Variants in DYNC2I1 observed in about 807,000 individuals in gnomAD.
The protein encoded by DYNC2I1 is cytoplasmic dynein 2 intermediate chain 1.
DYNC2I1 carries 89 observed loss-of-function variants against 133.4 expected under a neutral mutation model. The ratio of observed to expected loss-of-function variants is 0.67; its 90% confidence interval spans 0.56 to 0.80. DYNC2I1 has a LOEUF of 0.80. DYNC2I1 is among the 30% of genes least tolerant of loss of function. The pLI is 0.00. For synonymous variants in DYNC2I1, 504 were observed against 484.3 expected, an observed-to-expected ratio of 1.04 and a Z score of -0.54; for missense variants, 1,291 against 1,314.5, an observed-to-expected ratio of 0.98 and a Z score of 0.28.
intron 3 of DYNC2I1, among the ~76,000 whole-genome samples, chr7:158,876,129 G>T (rs957803380): frequency 6.6e-6 from 1 of 152,198 alleles, no homozygotes; most frequent in African/African-American, 2.4e-5. Context: ...GGCTGGAGAG[G>T]CCTCAGGAGA....
At chr7:158,907,119 C>T (rs906101777) in intron 11 of DYNC2I1, among the ~76,000 whole-genome samples, 57 of 151,496 alleles carry the variant, frequency 3.8e-4, no homozygotes, top group Non-Finnish European at 6.8e-4. Flanking sequence ...GGCTGCACCA[C>T]TGCACTCCAG....
intron 5 of DYNC2I1, 37 bp downstream of exon 5, chr7:158,880,026 C>T (rs920534105): frequency 6.5e-7 from 1 of 1,542,344 alleles, no homozygotes; most frequent in Non-Finnish European, 8.7e-7. Context: ...TAGCAGCCGC[C>T]CCGAGGCCGG....
chr7:158,900,077 C>T (rs965021360), intron 8 of DYNC2I1, among the ~76,000 whole-genome samples: 4 of 147,006 alleles, frequency 2.7e-5, no homozygotes, highest in Non-Finnish European at 4.5e-5. Flanking sequence ...TCTATGCTGT[C>T]TTCTTGCTTG....
intron 7 of DYNC2I1, among the ~76,000 whole-genome samples, chr7:158,889,065 A>ACACACACACACC (rs995160680): frequency 2.5e-5 from 3 of 120,284 alleles, no homozygotes; most frequent in African/African-American, 9.7e-5. Flanking sequence ...ACACACACAC[A>ACACACACACACC]CCCCTCCTGT....
In DYNC2I1 at chr7:158,914,260, C is replaced by G. The variant is rs1400041920; in HGVS notation, c.1730C>G (p.Ala577Gly). 6.2e-7 allele frequency: 1 copy of G among 1,612,496 alleles called. No homozygotes were observed. Among genetic ancestry groups the G allele is most frequent in the Non-Finnish European group, 8.5e-7 (1 of 1,179,306 alleles). The change falls in exon 14 of 25, where the codon GCT (alanine) becomes GGT (glycine). Residue 577 changes from alanine to glycine, a missense_variant. Physicochemically the swap from Ala to Gly is moderately conservative, Grantham distance 60. Coordinates refer to ENST00000407559, the MANE Select transcript of DYNC2I1 (RefSeq NM_018051.5). ...GGSEQRDTSD[A>G]VVMPKIDTPR... is the part of the protein sequence containing the mutation. ...AGTGAACAAAGAGATACCTCTGATG[C>G]TGTAGTTATGCCAAAGATTGATACT...
chr7:158,906,204 G>A (rs1846791754), intron 11 of DYNC2I1, 113 bp downstream of exon 11: 13 of 893,134 alleles, frequency 1.5e-5, no homozygotes, highest in Non-Finnish European at 2.2e-5. Flanking sequence ...GTTTTTTGGG[G>A]TGTATGACTT....
chr7:158,856,721 G>A lies in DYNC2I1; in HGVS notation c.-15G>A, dbSNP rs1563061404. 2.4e-6 allele frequency: 3 copies of A among 1,234,116 alleles called. No homozygotes were observed. Among genetic ancestry groups the A allele is most frequent in the East Asian group, 6.3e-5 (2 of 31,636 alleles). The allele number at this position is 1,234,116 out of a possible 1,614,324, so 76.4% of individuals were successfully genotyped here. A position where few individuals can be genotyped will look rare whatever the true frequency, so the allele number is the denominator to read the frequency against. The stretch of plus-strand genomic sequence containing the variant: ...GGGCCGAGGACACCGCGGCCGCCCG[G>A]GCCTGCGGGAAGCGATGGAGCCCGG... On this transcript the variant is annotated 5_prime_UTR_variant, in exon 1 of 25. Transcript: ENST00000407559.
At position 158,927,056 on chromosome 7, in the gene DYNC2I1, TA is replaced by T; in HGVS notation, c.2485+20del. On this transcript the variant is annotated intron_variant, in intron 20 of 24. Transcript: ENST00000407559. ...ATAAGTGATTTAGGTAACTATTAAG[TA>T]AAAAAATTAATTTTAGTGTTTTCTA... 1.9e-6 allele frequency: 3 copies of T among 1,564,608 alleles called. No homozygotes were observed. Among genetic ancestry groups the T allele is most frequent in the Non-Finnish European group, 2.6e-6 (3 of 1,149,688 alleles).
At chr7:158,851,360 C>T in the DYNC2I1 span, among the ~76,000 whole-genome samples, 7 of 151,940 alleles carry the variant, frequency 4.6e-5, no homozygotes, top group Non-Finnish European at 1.0e-4. Context: ...TGACGAAACC[C>T]CATCTCTACA....
intron 1 of DYNC2I1, chr7:158,869,335 C>T: frequency 2.5e-6 from 1 of 405,844 alleles, no homozygotes; most frequent in Non-Finnish European, 5.1e-6. Flanking sequence ...CCCAGGGCTG[C>T]TTCTCTTCCT....
chr7:158,844,484 C>T, the DYNC2I1 span, among the ~76,000 whole-genome samples: 8 of 151,976 alleles, frequency 5.3e-5, no homozygotes, highest in Non-Finnish European at 1.2e-4. Context: ...AAAATGGTCA[C>T]GTTCTTGTGA....
chr7:158,876,074 A>G (rs1322212839), intron 3 of DYNC2I1, among the ~76,000 whole-genome samples: 1 of 152,190 alleles, frequency 6.6e-6, no homozygotes, highest in Non-Finnish European at 1.5e-5. Context: ...TATAAAGAAA[A>G]GAGGTTTAAT....
intron 9 of DYNC2I1, among the ~76,000 whole-genome samples, chr7:158,902,154 A>G (rs1161438572): frequency 1.3e-5 from 2 of 152,244 alleles, no homozygotes; most frequent in African/African-American, 4.8e-5. Flanking sequence ...TCTTCTGTAT[A>G]TGGTTCTGTA....
chr7:158,875,252 G>A (rs1001178018), intron 3 of DYNC2I1, among the ~76,000 whole-genome samples: 4 of 151,884 alleles, frequency 2.6e-5, no homozygotes, highest in Non-Finnish European at 5.9e-5. Flanking sequence ...ACGCCACGAC[G>A]CCCGGCTAAT....
intron 23 of DYNC2I1, among the ~76,000 whole-genome samples, chr7:158,940,159 A>G (rs1237956225): frequency 6.6e-6 from 1 of 152,170 alleles, no homozygotes. Flanking sequence ...CCTTTTTGGC[A>G]CCAGAGACTG....
At chr7:158,893,964 A>G (rs1277733609) in intron 8 of DYNC2I1, among the ~76,000 whole-genome samples, 2 of 150,206 alleles carry the variant, frequency 1.3e-5, no homozygotes, top group Non-Finnish European at 3.0e-5. Flanking sequence ...ACTGCATATC[A>G]TACTGCATAT....
At chr7:158,852,004 C>T (rs1240144404), upstream of DYNC2I1, among the ~76,000 whole-genome samples, 2 of 152,164 alleles carry the variant, frequency 1.3e-5, no homozygotes, top group Non-Finnish European at 2.9e-5. Context: ...GTGGCATTGG[C>T]ACTCGGGCAT....
chr7:158,856,844 C>T lies in DYNC2I1; in HGVS notation c.15+94C>T, dbSNP rs532610856. 1.4e-3 allele frequency: 1,691 copies of T among 1,206,164 alleles called. 1 individual carries two copies. The highest frequency in any genetic ancestry group is 3.8e-3 in the Middle Eastern group (12 of 3,158). The allele number at this position is 1,206,164 out of a possible 1,614,324, so 74.7% of individuals were successfully genotyped here. ...GCGCCGCCGCCGCCCTCCCTTTGCG[C>T]AGCGGTTCTCTCGGCCGGGCCGGGG... is the stretch of plus-strand genomic sequence containing the variant. On this transcript the variant is annotated intron_variant, in intron 1 of 24. Coordinates refer to ENST00000407559, the MANE Select transcript of DYNC2I1 (RefSeq NM_018051.5).
chr7:158,876,619 A>T lies in DYNC2I1; in HGVS notation c.501A>T (p.Val167=). The T allele has an allele frequency of 1.3e-6, 2 of 1,573,732 alleles. No homozygotes were observed. Among genetic ancestry groups the T allele is most frequent in the Non-Finnish European group, 1.7e-6 (2 of 1,167,210 alleles). ...AERKGRSVSK[V]RSEEKDEDSE... Reference sequence around the variant, plus strand: ...TTTTACTTCTTGTAGTAAGTAAAGTAAGAAGTGAAGAGAAAGATGAAGACT... The same window carrying T: ...TTTTACTTCTTGTAGTAAGTAAAGTTAGAAGTGAAGAGAAAGATGAAGACT... Residue 167 remains valine, a synonymous_variant, in exon 4 of 25, where the codon GTA becomes GTT. Transcript: ENST00000407559.
Sources: allele counts gnomAD v4.1 joint callset (sites outside exome capture counted in the v4.1 genomes callset), GRCh38; gene constraint gnomAD v4.1.1; transcripts MANE v1.5; gene names NCBI Gene and HGNC (gene_info 2026-07-23, HGNC 2026-07-21).